The following NRF1 variants were observed in gnomAD, a reference collection of about 807,000 sequenced individuals.
The protein encoded by NRF1 is alpha palindromic-binding protein.
In NRF1, 5 loss-of-function variants were observed where a neutral mutation model predicts 58.5. The observed-to-expected ratio is 0.09, with a 90% confidence interval of 0.04 to 0.18. NRF1 has a LOEUF of 0.18. Ranked by LOEUF, NRF1 falls within the 10% of genes least tolerant of loss-of-function variation. The pLI, the probability that NRF1 is intolerant of heterozygous loss-of-function variation, is 1.00. For synonymous variants in NRF1, 224 were observed against 246.7 expected, an observed-to-expected ratio of 0.91 and a Z score of 0.86; for missense variants, 288 against 657.7, an observed-to-expected ratio of 0.44 and a Z score of 6.15.
intron 10 of NRF1, among the ~76,000 whole-genome samples, chr7:129,748,937 T>C (rs556538017): frequency 6.6e-6 from 1 of 152,362 alleles, no homozygotes; most frequent in East Asian, 1.9e-4. Flanking sequence ...TCATGAATGA[T>C]AAATCCAGAG....
chr7:129,630,267 C>T (rs1801017995), intron 1 of NRF1: 2 of 152,210 alleles, frequency 1.3e-5, no homozygotes, highest in Non-Finnish European at 2.9e-5. Context: ...GGATGATATA[C>T]ACTTGGTAAA....
intron 1 of NRF1, among the ~76,000 whole-genome samples, chr7:129,649,934 G>C (rs1023397939): frequency 3.3e-5 from 5 of 151,918 alleles, no homozygotes; most frequent in African/African-American, 1.2e-4. Context: ...TTCATTTTTT[G>C]TAGAGAGGGG....
chr7:129,742,270 T>A (rs937287787), intron 10 of NRF1, among the ~76,000 whole-genome samples: 1 of 131,466 alleles, frequency 7.6e-6, no homozygotes, highest in Non-Finnish European at 1.6e-5. Flanking sequence ...CTAAGTGAAA[T>A]TGATTAAAAA....
Position 129,678,068 on chromosome 7 carries a change from G to A in NRF1, c.465+310G>A, listed in dbSNP as rs924504527. 2.0e-5 allele frequency among the ~76,000 whole-genome samples: 3 copies of A among 152,202 alleles called. No homozygotes were observed. The East Asian group carries it at 5.8e-4, about 29-fold the overall frequency. On this transcript the variant is annotated intron_variant, in intron 4 of 10. Coordinates refer to ENST00000393232, the MANE Select transcript of NRF1 (RefSeq NM_005011.5). ...TGCAGGATTTTCTAAGAAAATTACT[G>A]ATTTATATCAGAAACAAAATAATAG...
intron 1 of NRF1, among the ~76,000 whole-genome samples, chr7:129,625,878 T>C (rs1287103792): frequency 6.6e-6 from 1 of 152,072 alleles, no homozygotes; most frequent in East Asian, 1.9e-4. Context: ...GAGATGGGGT[T>C]TCACCATGTT....
chr7:129,728,717 G>A (rs754139246), intron 10 of NRF1, among the ~76,000 whole-genome samples: 2 of 152,180 alleles, frequency 1.3e-5, no homozygotes, highest in Non-Finnish European at 2.9e-5. Context: ...CGCCAGAGAA[G>A]AATAACATAG....
chr7:129,638,672 C>A (rs1801222707), intron 1 of NRF1, among the ~76,000 whole-genome samples: 1 of 152,052 alleles, frequency 6.6e-6, no homozygotes, highest in South Asian at 2.1e-4. Context: ...TGGTAGTAGT[C>A]ATGGAAAAAT....
chr7:129,622,525 G>A (rs142944363), intron 1 of NRF1, among the ~76,000 whole-genome samples: 1 of 151,246 alleles, frequency 6.6e-6, no homozygotes. Flanking sequence ...ACAATGCAAA[G>A]ATACTTTAAT....
chr7:129,710,494 A>G lies in NRF1; in HGVS notation c.886A>G (p.Ser296Gly), dbSNP rs1803048869. The G allele has an allele frequency of 1.2e-6, 2 of 1,608,628 alleles. No homozygotes were observed. Among genetic ancestry groups the G allele is most frequent in the Non-Finnish European group, 8.5e-7 (1 of 1,174,948 alleles). Reference sequence around the variant, plus strand: ...GCAAACACAGGCCACAGCCACACATAGTATAGCTCATCTTGTACCATCACA... The same window carrying G: ...GCAAACACAGGCCACAGCCACACATGGTATAGCTCATCTTGTACCATCACA... Reference protein sequence around the residue: ...QTQTQATATHSIAHLVPSQTV... With the variant: ...QTQTQATATHGIAHLVPSQTV... The change falls in exon 7 of 11, where the codon AGT (serine) becomes GGT (glycine). Residue 296 changes from serine (S) to glycine (G), a missense_variant. Physicochemically the swap from Ser to Gly is moderately conservative, Grantham distance 56. This residue lies in a region of NRF1 where 212 missense variants were observed against 559.7 expected (regional missense o/e 0.38). Transcript: ENST00000393232.
chr7:129,641,118 T>C (rs1801278811), intron 1 of NRF1, among the ~76,000 whole-genome samples: 1 of 152,226 alleles, frequency 6.6e-6, no homozygotes, highest in Non-Finnish European at 1.5e-5. Context: ...TATTTCTGTT[T>C]TTAGCTTCAC....
chr7:129,738,831 G>A (rs894843207), intron 10 of NRF1, among the ~76,000 whole-genome samples: 3 of 152,230 alleles, frequency 2.0e-5, no homozygotes, highest in Admixed American at 6.5e-5. Flanking sequence ...TAGTAAGACT[G>A]GAAATCATAC....
chr7:129,698,996 G>A (rs181935339), intron 5 of NRF1, among the ~76,000 whole-genome samples: 1 of 152,272 alleles, frequency 6.6e-6, no homozygotes, highest in African/African-American at 2.4e-5. Flanking sequence ...ATCATCACTG[G>A]AAAGACCTGG....
chr7:129,721,551 G>A (rs1386959687), intron 9 of NRF1, among the ~76,000 whole-genome samples: 1 of 150,384 alleles, frequency 6.6e-6, no homozygotes, highest in East Asian at 2.0e-4. Context: ...GCGCGATCTC[G>A]GCTCACTGCA....
chr7:129,747,454 TTC>T (rs1380857348), intron 10 of NRF1, among the ~76,000 whole-genome samples: 1 of 152,232 alleles, frequency 6.6e-6, no homozygotes, highest in Non-Finnish European at 1.5e-5. Context: ...CTGCTTTTCT[TTC>T]TGTTTCCCGA....
chr7:129,677,546 T>A, intron 3 of NRF1, 86 bp from the exon 4 acceptor site: 1 of 1,256,882 alleles, frequency 8.0e-7, no homozygotes, highest in South Asian at 1.3e-5. Context: ...CTGATCAGAA[T>A]AAACTGTCTT....
intron 10 of NRF1, among the ~76,000 whole-genome samples, chr7:129,746,482 G>T (rs960455662): frequency 6.6e-6 from 1 of 152,104 alleles, no homozygotes; most frequent in Non-Finnish European, 1.5e-5. Flanking sequence ...TACCATGCCT[G>T]TTTTTCTTCA....
At chr7:129,702,379 A>C (rs1419352617) in intron 5 of NRF1, among the ~76,000 whole-genome samples, 3 of 152,178 alleles carry the variant, frequency 2.0e-5, no homozygotes, top group Admixed American at 2.0e-4. Flanking sequence ...CTAATTCTGA[A>C]GTTACGTTGA....
In NRF1 at chr7:129,710,490, ACATAGTATAGCT is replaced by A; in HGVS notation, c.886_897del (p.Ser296_His299del). On this transcript the variant is annotated inframe_deletion, in exon 7 of 11. Coordinates refer to ENST00000393232, the MANE Select transcript of NRF1 (RefSeq NM_005011.5). ...AAACGCAAACACAGGCCACAGCCAC[ACATAGTATAGCT>A]CATCTTGTACCATCACAGACTGTAG... 1 of 1,610,842 alleles carries A rather than the reference ACATAGTATAGCT, an allele frequency of 6.2e-7. No homozygotes were observed. The highest frequency in any genetic ancestry group is 1.1e-5 in the South Asian group (1 of 91,026).
intron 10 of NRF1, among the ~76,000 whole-genome samples, chr7:129,747,700 A>G (rs1804013082): frequency 6.6e-6 from 1 of 152,238 alleles, no homozygotes. Flanking sequence ...CAAGATTCAC[A>G]TGTAGGTCTT....
Sources: allele counts gnomAD v4.1 joint callset (sites outside exome capture counted in the v4.1 genomes callset), GRCh38; gene constraint gnomAD v4.1.1; regional missense constraint gnomAD v4.1.1; transcripts MANE v1.5; gene names NCBI Gene and HGNC (gene_info 2026-07-23, HGNC 2026-07-21).